Variants in MYH9 observed in about 807,000 individuals in gnomAD.
MYH9 encodes myosin-9.
MYH9 carries 29 observed loss-of-function variants against 241.9 expected under a neutral mutation model. The observed-to-expected ratio is 0.12, with a 90% CI of 0.09 to 0.16. The LOEUF (loss-of-function observed/expected upper bound fraction) is 0.16. Among genes scored for constraint, MYH9 ranks in the 10% least tolerant of loss-of-function variants. The pLI is 1.00. For missense variants in MYH9, 1,803 were observed against 2,595.5 expected, an observed-to-expected ratio of 0.69 and a Z score of 6.63; for synonymous variants, 1,047 against 1,062.6, an observed-to-expected ratio of 0.99 and a Z score of 0.29.
At chr22:36,370,929 G>C (rs770283353) in intron 1 of MYH9, among the ~76,000 whole-genome samples, 4 of 152,222 alleles carry the variant, frequency 2.6e-5, no homozygotes, top group Admixed American at 6.5e-5. Flanking sequence ...ACACTGCTGA[G>C]AGCATTTCAT....
chr22:36,292,981 A>G (rs570720970), intron 30 of MYH9, among the ~76,000 whole-genome samples: 1 of 152,316 alleles, frequency 6.6e-6, no homozygotes, highest in East Asian at 1.9e-4. Flanking sequence ...CTCGGCCACA[A>G]CCCTGACAGG....
chr22:36,342,346 CG>C (rs753597362), intron 2 of MYH9, among the ~76,000 whole-genome samples: 59 of 152,208 alleles, frequency 3.9e-4, no homozygotes, highest in Admixed American at 2.6e-3. Flanking sequence ...ATGTGAAAAA[CG>C]GGGACAGGCA....
In MYH9 at chr22:36,300,822, A is replaced by G. The variant is rs1372372825; in HGVS notation, c.2838+29T>C. 1 of 1,598,206 alleles carries G rather than the reference A, an allele frequency of 6.3e-7. No individual in the cohort carries two copies. Among genetic ancestry groups the G allele is most frequent in the East Asian group, 2.2e-5 (1 of 44,856 alleles). On this transcript the variant is annotated intron_variant, in intron 22 of 40. Coordinates refer to ENST00000216181, the MANE Select transcript of MYH9 (RefSeq NM_002473.6). The surrounding 1 kb of genome is among the most constrained non-coding windows in gnomAD (Gnocchi z 5.0). The stretch of plus-strand genomic sequence containing the variant: ...CGCCCCGCCCTGCCCCTCCGGCGCC[A>G]CCCCTCCCCGGGTGCAGCGGGCAGG...
At chr22:36,298,734 C>T (rs2016827460) in intron 24 of MYH9, among the ~76,000 whole-genome samples, 185 bp downstream of exon 24, 1 of 152,198 alleles carries the variant, frequency 6.6e-6, no homozygotes, top group Non-Finnish European at 1.5e-5. Context: ...CCCGCAGGCA[C>T]CAGACACGGC....
chr22:36,320,114 G>T lies in MYH9; in HGVS notation c.1012+106C>A. The T allele has an allele frequency of 1.3e-6, 2 of 1,511,156 alleles. No homozygotes were observed. The highest frequency in any genetic ancestry group is 1.8e-6 in the Non-Finnish European group (2 of 1,095,262). 93.6% of individuals were successfully genotyped at this position (1,511,156 alleles called of 1,614,324 possible). On this transcript the variant is annotated intron_variant, in intron 9 of 40. Transcript: ENST00000216181. This position sits in a 1 kb window ranked among gnomAD's most constrained non-coding sequence, Gnocchi z 4.8. ...CACTGAAGGCCTTCCCCTTCCCCTG[G>T]CCTCTAGCAGGCTCCCCAGGCCCAT...
At position 36,300,533 on chromosome 22, in the gene MYH9, C is replaced by T. The variant is rs1461040319; in HGVS notation, c.2839-269G>A. On this transcript the variant is annotated intron_variant, in intron 22 of 40. Coordinates refer to ENST00000216181, the MANE Select transcript of MYH9 (RefSeq NM_002473.6). This position sits in a 1 kb window ranked among gnomAD's most constrained non-coding sequence, Gnocchi z 5.0. ...CAATGTTCTGAAGGGTTTCCTGCAG[C>T]AAGCTCCCACCCATGAAACAGGCAG... 2.0e-5 allele frequency among the ~76,000 whole-genome samples: 3 copies of T among 152,366 alleles called. No homozygotes were observed. In the East Asian group the frequency reaches 5.8e-4, roughly 29 times the overall value.
intron 31 of MYH9, among the ~76,000 whole-genome samples, chr22:36,289,645 G>A (rs1038780044): frequency 6.6e-6 from 1 of 152,184 alleles, no homozygotes; most frequent in Non-Finnish European, 1.5e-5. Context: ...GCTGGCATTT[G>A]GTTGGCACTT....
Position 36,282,757 on chromosome 22 carries a change from G to A in MYH9, c.5794C>T (p.Arg1932Cys), listed in dbSNP as rs2146325465. The change falls in exon 41 of 41, where the codon CGC becomes TGC. Residue 1932 changes from arginine to cysteine, a missense_variant. By Grantham distance (180) the Arg-to-Cys change is radical (BLOSUM62 -3). Coordinates refer to ENST00000216181, the MANE Select transcript of MYH9 (RefSeq NM_002473.6). Reference sequence around the variant, plus strand: ...CCGGCGCCTTTCCGGGCCATTCGGCGGGGCACGACAAACGGCAGGTCCCCG... The same window carrying A: ...CCGGCGCCTTTCCGGGCCATTCGGCAGGGCACGACAAACGGCAGGTCCCCG... ...RRGDLPFVVPRRMARKGAGDG... is the reference protein window; with the variant it reads ...RRGDLPFVVPCRMARKGAGDG... 3.1e-6 allele frequency: 5 copies of A among 1,612,954 alleles called. No individual in the cohort carries two copies. The highest frequency in any genetic ancestry group is 1.3e-5 in the African/African-American group (1 of 75,030).
chr22:36,307,624 G>A (rs558431655), intron 15 of MYH9, among the ~76,000 whole-genome samples: 57 of 152,266 alleles, frequency 3.7e-4, no homozygotes, highest in South Asian at 2.3e-3. Flanking sequence ...ATGGTGGCTC[G>A]CGCCTGTAAT....
At chr22:36,370,940 A>G (rs1456901512) in intron 1 of MYH9, among the ~76,000 whole-genome samples, 1 of 152,190 alleles carries the variant, frequency 6.6e-6, no homozygotes, top group Non-Finnish European at 1.5e-5. Flanking sequence ...AGCATTTCAT[A>G]CTTTAGCTAC....
At chr22:36,324,033 A>G (rs1014292940) in intron 5 of MYH9, among the ~76,000 whole-genome samples, 2 of 152,222 alleles carry the variant, frequency 1.3e-5, no homozygotes, top group Non-Finnish European at 2.9e-5. Context: ...CGTTCCTCTC[A>G]GAGCACAGGC....
At chr22:36,327,430 C>T in intron 4 of MYH9, 31 bp downstream of exon 4, 8 of 1,613,648 alleles carry the variant, frequency 5.0e-6, no homozygotes, top group Admixed American at 1.7e-5. Flanking sequence ...TGGGGTGAAA[C>T]GAACCACTAC....
rs539700565 is a variant in MYH9 at position 36,311,178 on chromosome 22, G to A, written c.1728+871C>T. On this transcript the variant is annotated intron_variant, in intron 14 of 40. Transcript: ENST00000216181. ...TAGGGTCTTTGTGCAGGAAGCACAC[G>A]ATATGCTGAGAAAAACCAGCTTTTG... is the stretch of plus-strand genomic sequence containing the variant. Among the ~76,000 whole-genome samples, 8 of 152,318 alleles carry A rather than the reference G, an allele frequency of 5.3e-5. No individual in the cohort carries two copies. The South Asian group carries it at 1.2e-3, about 24-fold the overall frequency.
At chr22:36,316,152 C>CTCAG (rs1351434906) in intron 12 of MYH9, among the ~76,000 whole-genome samples, 1 of 151,528 alleles carries the variant, frequency 6.6e-6, no homozygotes, top group Non-Finnish European at 1.5e-5. Context: ...ATTCTCCTGC[C>CTCAG]TCAGCCTCCT....
chr22:36,300,536 G>A lies in MYH9; in HGVS notation c.2839-272C>T, dbSNP rs1247929738. Among the ~76,000 whole-genome samples, 2 of 152,248 alleles carry A rather than the reference G, an allele frequency of 1.3e-5. No homozygotes were observed. Among genetic ancestry groups the A allele is most frequent in the Non-Finnish European group, 2.9e-5 (2 of 68,036 alleles). On this transcript the variant is annotated intron_variant, in intron 22 of 40. Transcript: ENST00000216181. The surrounding 1 kb of genome is among the most constrained non-coding windows in gnomAD (Gnocchi z 5.0). ...TGTTCTGAAGGGTTTCCTGCAGCAAGCTCCCACCCATGAAACAGGCAGGAC... is the reference window on the plus strand; with the variant it reads ...TGTTCTGAAGGGTTTCCTGCAGCAAACTCCCACCCATGAAACAGGCAGGAC...
In MYH9 at chr22:36,306,163, C is replaced by A. The variant is rs578200925; in HGVS notation, c.2038-112G>T. Reference sequence around the variant, plus strand: ...GGCAAGAGCCTAAGGGAGGGGGTCGCTACAGCCCACAGGTTTGGACAATGA... The same window carrying A: ...GGCAAGAGCCTAAGGGAGGGGGTCGATACAGCCCACAGGTTTGGACAATGA... On this transcript the variant is annotated intron_variant, in intron 16 of 40. Transcript: ENST00000216181. This position sits in a 1 kb window ranked among gnomAD's most constrained non-coding sequence, Gnocchi z 4.1. The A allele has an allele frequency of 2.6e-6, 4 of 1,541,012 alleles. No homozygotes were observed. Among genetic ancestry groups the A allele is most frequent in the East Asian group, 4.5e-5 (2 of 44,380 alleles).
At chr22:36,360,575 T>C (rs1736125914) in intron 1 of MYH9, among the ~76,000 whole-genome samples, 1 of 151,834 alleles carries the variant, frequency 6.6e-6, no homozygotes, top group African/African-American at 2.4e-5. Context: ...TAGCCGGGCA[T>C]GGTGGCGGGC....
At chr22:36,371,278 G>A (rs1472247841) in intron 1 of MYH9, among the ~76,000 whole-genome samples, 2 of 152,302 alleles carry the variant, frequency 1.3e-5, no homozygotes, top group East Asian at 3.9e-4. Flanking sequence ...GGTCCTTCGG[G>A]TAGGCCCTAA....
rs1470831046 is a variant in MYH9, at chr22:36,327,406, G to A, written c.518+55C>T. 2.5e-6 allele frequency: 4 copies of A among 1,608,356 alleles called. No individual in the cohort carries two copies. In the East Asian group the frequency reaches 8.9e-5, roughly 36 times the overall value. Reference sequence around the variant, plus strand: ...TTGTGGTTTCAGTAGGAGACCTCAAGAATGAGAACAGACTGGGGTGAAACG... The same window carrying A: ...TTGTGGTTTCAGTAGGAGACCTCAAAAATGAGAACAGACTGGGGTGAAACG... On this transcript the variant is annotated intron_variant, in intron 4 of 40. Transcript: ENST00000216181.
Sources: gnomAD v4.1 joint callset for allele counts (sites outside exome capture counted in the v4.1 genomes callset) on GRCh38, gnomAD v4.1.1 for gene constraint, Gnocchi (gnomAD v3.1) non-coding constraint, MANE v1.5 for transcripts, NCBI Gene and HGNC (gene_info 2026-07-23, HGNC 2026-07-21) for gene names.